The following UGT1A4 variants were observed in gnomAD, a reference collection of about 807,000 sequenced individuals.
The protein encoded by UGT1A4 is UDP-glucuronosyltransferase 1A4.
In UGT1A4, 32 loss-of-function variants were observed where a neutral mutation model predicts 41.1. The observed-to-expected ratio is 0.78, with a 90% CI of 0.59 to 1.05. UGT1A4 has a LOEUF of 1.05. UGT1A4 is among the 50% of genes least tolerant of loss of function. The probability of loss-of-function intolerance (pLI) is 0.00; values close to 1 mark genes in which losing one functional copy is unlikely to be tolerated. For missense variants in UGT1A4, 748 were observed against 677.4 expected (o/e 1.10, Z -1.16); for synonymous variants, 283 against 265.1 (o/e 1.07, Z -0.66).
At chr2:233,738,521 G>C (rs1382621592) in intron 1 of UGT1A4, among the ~76,000 whole-genome samples, 2 of 152,174 alleles carry the variant, frequency 1.3e-5, no homozygotes, top group African/African-American at 2.4e-5. Context: ...TAATGTTGTG[G>C]ACAATGAAGT....
rs779205273 is a variant in UGT1A4, at chr2:233,719,369, G to A, written c.549G>A (p.Lys183=). ...WRYIPCDLDF[K]GTQCPNPSSY... is the part of the protein sequence containing the mutation. ...ACATTCCATGTGACTTAGACTTTAA[G>A]GGCACACAGTGTCCAAATCCTTCCT... Residue 183 remains lysine, a synonymous_variant, in exon 1 of 5, where the codon AAG becomes AAA. Transcript: ENST00000373409. 7.0e-5 allele frequency: 113 copies of A among 1,613,764 alleles called. No individual in the cohort carries two copies. Among genetic ancestry groups the A allele is most frequent in the Non-Finnish European group, 9.2e-5 (108 of 1,179,868 alleles).
intron 1 of UGT1A4, among the ~76,000 whole-genome samples, chr2:233,732,565 C>G (rs891048525): frequency 2.0e-5 from 3 of 152,178 alleles, no homozygotes; most frequent in African/African-American, 7.2e-5. Context: ...AATAAGGAAT[C>G]CTTTCCCCAT....
intron 1 of UGT1A4, among the ~76,000 whole-genome samples, chr2:233,745,157 A>T (rs1409881340): frequency 6.6e-6 from 1 of 151,846 alleles, no homozygotes; most frequent in Non-Finnish European, 1.5e-5. Context: ...TGGAGGGTCA[A>T]ATGTGCATGT....
chr2:233,755,122 C>T, intron 1 of UGT1A4: 1 of 1,328,086 alleles, frequency 7.5e-7, no homozygotes, highest in Non-Finnish European at 1.0e-6. Flanking sequence ...TAGGCCTCAG[C>T]CACCTGCTTG....
rs1422207500 is a variant in UGT1A4 at position 233,757,556 on chromosome 2, ATATATG to A, written c.868-9472_868-9467del. ...AAGGAATATATATATATATATATATATATATGTATATATGATATAGCTATAGTCTAA... is the reference window on the plus strand; with the variant it reads ...AAGGAATATATATATATATATATATATATATATGATATAGCTATAGTCTAA... On this transcript the variant is annotated intron_variant, in intron 1 of 4. Coordinates refer to ENST00000373409, the MANE Select transcript of UGT1A4 (RefSeq NM_007120.3). Among the ~76,000 whole-genome samples, 673 of 125,374 alleles carry A rather than the reference ATATATG, an allele frequency of 5.4e-3. 74 individuals carry two copies. The highest frequency in any genetic ancestry group is 0.02 in the African/African-American group (631 of 31,024). The allele number at this position is 125,374 out of a possible 152,430, so 82.3% of individuals were successfully genotyped here.
chr2:233,735,208 T>C (rs1197807314), intron 1 of UGT1A4, among the ~76,000 whole-genome samples: 1 of 152,228 alleles, frequency 6.6e-6, no homozygotes, highest in Non-Finnish European at 1.5e-5. Flanking sequence ...CTGTATTGGG[T>C]GCATATATAT....
At chr2:233,755,114 G>A (rs761865052) in intron 1 of UGT1A4, 3 of 1,331,932 alleles carry the variant, frequency 2.3e-6, no homozygotes, top group South Asian at 2.3e-5. Context: ...ACACCTCGTA[G>A]GCCTCAGCCA....
chr2:233,765,693 AAAT>A (rs1266056248), intron 1 of UGT1A4, among the ~76,000 whole-genome samples: 9 of 147,360 alleles, frequency 6.1e-5, no homozygotes, highest in East Asian at 2.0e-4. Flanking sequence ...AACTTCAAGT[AAAT>A]AATAATAATA....
intron 1 of UGT1A4, among the ~76,000 whole-genome samples, chr2:233,739,441 A>G (rs1691102531): frequency 6.6e-6 from 1 of 152,220 alleles, no homozygotes. Context: ...TTTACCCTGC[A>G]AAGCCACAGG....
In UGT1A4 at chr2:233,745,331, C is replaced by A. The variant is rs932563797; in HGVS notation, c.868-21703C>A. Among the ~76,000 whole-genome samples, 35 of 151,966 alleles carry A rather than the reference C, an allele frequency of 2.3e-4. 1 individual carries two copies. The highest frequency in any genetic ancestry group is 8.2e-4 in the African/African-American group (34 of 41,248). ...ATTATTTCCACTAGAACTGCTATAT[C>A]ATGACCATGAATTTTGGGGGAATTT... is the stretch of plus-strand genomic sequence containing the variant. On this transcript the variant is annotated intron_variant, in intron 1 of 4. Transcript: ENST00000373409.
chr2:233,747,408 A>C, intron 1 of UGT1A4: 1 of 1,607,228 alleles, frequency 6.2e-7, no homozygotes. Flanking sequence ...CCCAGAGGTG[A>C]ATATGCACAT....
At chr2:233,758,025 T>G (rs1696779079) in intron 1 of UGT1A4, among the ~76,000 whole-genome samples, 1 of 152,184 alleles carries the variant, frequency 6.6e-6, no homozygotes, top group Non-Finnish European at 1.5e-5. Context: ...TCTGTCTACC[T>G]GACCCCTCCT....
chr2:233,725,175 TG>T (rs1374547834), intron 1 of UGT1A4, among the ~76,000 whole-genome samples: 1 of 81,962 alleles, frequency 1.2e-5, no homozygotes, highest in Non-Finnish European at 2.2e-5. Context: ...AGGGAGACCG[TG>T]GGGAGAGGCA....
At chr2:233,721,847 C>T in intron 1 of UGT1A4, 2 of 514,910 alleles carry the variant, frequency 3.9e-6, no homozygotes, top group South Asian at 2.8e-5. Context: ...TGTGTCCAGC[C>T]CCACTGCTCG....
Position 233,772,431 on chromosome 2 carries a change from A to G in UGT1A4, c.1477A>G (p.Ile493Val), listed in dbSNP as rs2126066962. The G allele has an allele frequency of 4.3e-6, 7 of 1,614,128 alleles. No individual in the cohort carries two copies. The East Asian group carries it at 1.6e-4, about 36-fold the overall frequency. The change falls in exon 5 of 5, where the codon ATT (isoleucine) becomes GTT (valine). Residue 493 changes from isoleucine (I) to valine (V), a missense_variant. By Grantham distance (29) the Ile-to-Val change is conservative (BLOSUM62 3). Coordinates refer to ENST00000373409, the MANE Select transcript of UGT1A4 (RefSeq NM_007120.3). ...TWYQYHSLDV[I>V]GFLLAVVLTV... ...GTACCAGTACCATTCCTTGGACGTG[A>G]TTGGTTTCCTCTTGGCCGTCGTGCT...
chr2:233,747,223 G>C, intron 1 of UGT1A4: 1 of 1,605,538 alleles, frequency 6.2e-7, no homozygotes, highest in Non-Finnish European at 8.5e-7. Context: ...GATGGCCACA[G>C]GACCCCAGGT....
At position 233,769,509 on chromosome 2, in the gene UGT1A4, C is replaced by T; in HGVS notation, c.1307+1070C>T. 2 of 1,612,822 alleles carry T rather than the reference C, an allele frequency of 1.2e-6. No homozygotes were observed. Among genetic ancestry groups the T allele is most frequent in the Non-Finnish European group, 1.7e-6 (2 of 1,179,850 alleles). On this transcript the variant is annotated intron_variant, in intron 4 of 4. Coordinates refer to ENST00000373409, the MANE Select transcript of UGT1A4 (RefSeq NM_007120.3). This position sits in a 1 kb window ranked among gnomAD's most constrained non-coding sequence, Gnocchi z 4.4. Reference sequence around the variant, plus strand: ...TGTTTATGAGAGTGTCCATTGCTTTCTCCCATGGTTACCTCCTTTAGAAAG... The same window carrying T: ...TGTTTATGAGAGTGTCCATTGCTTTTTCCCATGGTTACCTCCTTTAGAAAG...
At chr2:233,761,168 G>A in intron 1 of UGT1A4, 1 of 1,614,168 alleles carries the variant, frequency 6.2e-7, no homozygotes, top group Non-Finnish European at 8.5e-7. Context: ...ATTGGAGTGG[G>A]ACTTTTACAT....
chr2:233,732,094 T>C (rs1575595970), intron 1 of UGT1A4, among the ~76,000 whole-genome samples: 2 of 152,276 alleles, frequency 1.3e-5, no homozygotes, highest in South Asian at 2.1e-4. Flanking sequence ...TTTTGAGAAG[T>C]GTCTGTTCAT....
Sources: gnomAD v4.1 joint callset for allele counts (sites outside exome capture counted in the v4.1 genomes callset) on GRCh38, gnomAD v4.1.1 for gene constraint, Gnocchi (gnomAD v3.1) non-coding constraint, MANE v1.5 for transcripts, NCBI Gene and HGNC (gene_info 2026-07-23, HGNC 2026-07-21) for gene names.